TPR: variants seen among roughly 807,000 people sequenced by gnomAD.
TPR encodes the protein nucleoprotein TPR.
TPR carries 51 observed loss-of-function variants against 316.1 expected under a neutral mutation model. The observed-to-expected ratio is 0.16, with a 90% confidence interval of 0.13 to 0.20. The LOEUF (loss-of-function observed/expected upper bound fraction) is 0.20. Ranked by LOEUF, TPR falls within the 10% of genes least tolerant of loss-of-function variation. The probability of loss-of-function intolerance (pLI) is 1.00; values close to 1 mark genes in which losing one functional copy is unlikely to be tolerated. For missense variants in TPR, 2,272 were observed against 2,754.8 expected, an observed-to-expected ratio of 0.82 and a Z score of 3.92; for synonymous variants, 981 against 914.7, an observed-to-expected ratio of 1.07 and a Z score of -1.31.
At chr1:186,346,103 A>T in intron 23 of TPR, 32 bp downstream of exon 23, 2 of 1,282,420 alleles carry the variant, frequency 1.6e-6, no homozygotes, top group Non-Finnish European at 2.1e-6. Flanking sequence ...CTTACAAGTT[A>T]AAAAAAAAAT....
At chr1:186,355,348 A>G in intron 17 of TPR, 62 bp downstream of exon 17, 4 of 1,528,968 alleles carry the variant, frequency 2.6e-6, no homozygotes, top group Non-Finnish European at 3.5e-6. Context: ...TTGAATTTAA[A>G]TGATTTGAAT....
intron 3 of TPR, among the ~76,000 whole-genome samples, chr1:186,368,878 C>G (rs1416611182): frequency 6.6e-6 from 1 of 152,120 alleles, no homozygotes; most frequent in African/African-American, 2.4e-5. Context: ...TTTATGGCTT[C>G]AGGTCTTACA....
intron 26 of TPR, 45 bp from the exon 27 acceptor site, chr1:186,343,518 C>T: frequency 6.4e-7 from 1 of 1,570,360 alleles, no homozygotes; most frequent in East Asian, 2.3e-5. Flanking sequence ...TTTTAAAAAG[C>T]CAACATTACA....
intron 32 of TPR, 147 bp from the exon 33 acceptor site, chr1:186,336,841 A>C: frequency 7.6e-7 from 1 of 1,318,830 alleles, no homozygotes. Context: ...CAGACCAACT[A>C]AATGCACACT....
chr1:186,375,058 CG>C lies in TPR; in HGVS notation c.-31del. 1 of 1,613,632 alleles carries C rather than the reference CG, an allele frequency of 6.2e-7. No homozygotes were observed. Among genetic ancestry groups the C allele is most frequent in the Non-Finnish European group, 8.5e-7 (1 of 1,179,904 alleles). The stretch of plus-strand genomic sequence containing the variant: ...GTGGGGCCAGGGACCCCAGTGGCAG[CG>C]GCCGACGGGGTAGAAGCGGAGAAGA... On this transcript the variant is annotated 5_prime_UTR_variant, in exon 1 of 51. Transcript: ENST00000367478.
Position 186,361,623 on chromosome 1 carries a change from T to C in TPR, c.957A>G (p.Glu319=). Residue 319 remains glutamate, a splice_region_variant and synonymous_variant, in exon 9 of 51, where the codon GAA becomes GAG. Coordinates refer to ENST00000367478, the MANE Select transcript of TPR (RefSeq NM_003292.3). ...ELHKLLKEAG[E]ANKAIQDHLL... ...GTTCCCATAACTGAAAACACTTACC[T>C]TCACCAGCTTCTTTCAAAAGTTTGT... The C allele has an allele frequency of 6.2e-7, 1 of 1,613,174 alleles. No homozygotes were observed.
At position 186,312,821 on chromosome 1, in the gene TPR, TG is replaced by T. The variant is rs1332362524; in HGVS notation, c.*1149del. ...GTATACTGTGGAGAGGACTTCCAAA[TG>T]TGGTTACCTCAGCTATATCACTGCC... On this transcript the variant is annotated 3_prime_UTR_variant, in exon 51 of 51. Transcript: ENST00000367478. The T allele has an allele frequency of 6.2e-7, 1 of 1,611,746 alleles. No homozygotes were observed. Among genetic ancestry groups the T allele is most frequent in the Non-Finnish European group, 8.5e-7 (1 of 1,177,820 alleles).
At chr1:186,318,650 T>G (rs1460282887) in intron 47 of TPR, 47 bp from the exon 48 acceptor site, 2 of 1,603,920 alleles carry the variant, frequency 1.2e-6, no homozygotes, top group Non-Finnish European at 1.7e-6. Flanking sequence ...CTTTGTGGTT[T>G]ATCACATTTT....
At chr1:186,370,652 A>C (rs1469314602) in intron 3 of TPR, among the ~76,000 whole-genome samples, 2 of 152,076 alleles carry the variant, frequency 1.3e-5, no homozygotes, top group African/African-American at 4.8e-5. Flanking sequence ...TCAAACTGTC[A>C]TTCTTATAAA....
chr1:186,359,046 T>A (rs1047176350), intron 12 of TPR, among the ~76,000 whole-genome samples: 2 of 152,132 alleles, frequency 1.3e-5, no homozygotes, highest in East Asian at 3.8e-4. Context: ...TTCTAAATTA[T>A]AACAGCAACA....
At chr1:186,355,600 A>G in intron 16 of TPR, 35 bp downstream of exon 16, 1 of 1,613,676 alleles carries the variant, frequency 6.2e-7, no homozygotes, top group Non-Finnish European at 8.5e-7. Context: ...TGTGTTCTCT[A>G]AAAACCTAAC....
chr1:186,374,764 C>G, intron 1 of TPR, 114 bp downstream of exon 1: 1 of 1,137,694 alleles, frequency 8.8e-7, no homozygotes, highest in Non-Finnish European at 1.2e-6. Context: ...ATCCACAGAG[C>G]CCAGGAAGTG....
Position 186,333,405 on chromosome 1 carries a change from A to G in TPR, c.5183-11T>C. On this transcript the variant is annotated splice_polypyrimidine_tract_variant and intron_variant, in intron 36 of 50. Coordinates refer to ENST00000367478, the MANE Select transcript of TPR (RefSeq NM_003292.3). ...CTTCTGACTGCATAGCTGAAAAATA[A>G]TTATAATGCTGAATATAAGCCTTCT... 6.2e-7 allele frequency: 1 copy of G among 1,612,064 alleles called. No individual in the cohort carries two copies. Among genetic ancestry groups the G allele is most frequent in the Non-Finnish European group, 8.5e-7 (1 of 1,178,800 alleles).
intron 27 of TPR, 94 bp from the exon 28 acceptor site, chr1:186,341,483 A>C: frequency 7.7e-7 from 1 of 1,303,140 alleles, no homozygotes; most frequent in Non-Finnish European, 1.0e-6. Context: ...TGACAAAATA[A>C]AGAGGATTTA....
chr1:186,351,539 C>A, intron 19 of TPR, 69 bp from the exon 20 acceptor site: 2 of 1,465,500 alleles, frequency 1.4e-6, no homozygotes, highest in Admixed American at 2.5e-5. Context: ...AAATTGAAGG[C>A]AAGAAAGAAT....
At chr1:186,317,374 T>C (rs572671337) in intron 49 of TPR, 108 bp downstream of exon 49, 2 of 888,864 alleles carry the variant, frequency 2.3e-6, no homozygotes, top group South Asian at 3.0e-5. Context: ...AATAAAGCAT[T>C]TTAAAATACA....
At chr1:186,357,297 T>C (rs541609059) in intron 14 of TPR, 100 bp downstream of exon 14, 1 of 1,148,216 alleles carries the variant, frequency 8.7e-7, no homozygotes, top group African/African-American at 1.5e-5. Context: ...ATACCCCATT[T>C]AGGCCTCCCA....
chr1:186,331,393 A>G (rs1464268034), intron 39 of TPR, 105 bp downstream of exon 39: 4 of 733,744 alleles, frequency 5.5e-6, no homozygotes, highest in Non-Finnish European at 8.9e-6. Flanking sequence ...TACATATAAT[A>G]AGAACAAGCT....
chr1:186,320,071 C>A (rs952341251), intron 46 of TPR, among the ~76,000 whole-genome samples: 36 of 151,810 alleles, frequency 2.4e-4, no homozygotes, highest in African/African-American at 8.7e-4. Flanking sequence ...ACACCAGGAG[C>A]CAGAAGAGAT....
Sources: gnomAD v4.1 joint callset for allele counts (sites outside exome capture counted in the v4.1 genomes callset) on GRCh38, gnomAD v4.1.1 for gene constraint, MANE v1.5 for transcripts, NCBI Gene and HGNC (gene_info 2026-07-23, HGNC 2026-07-21) for gene names.